TP73: variants seen among roughly 807,000 people sequenced by gnomAD.
TP73 encodes tumor protein p73, also known as p53-like transcription factor.
In TP73, 25 loss-of-function variants were observed where a neutral mutation model predicts 62.5. The ratio of observed to expected loss-of-function variants is 0.40; its 90% confidence interval spans 0.29 to 0.56. The LOEUF is 0.56. Among genes scored for constraint, TP73 ranks in the 20% least tolerant of loss-of-function variants. The pLI is 0.46. For synonymous variants in TP73, 423 were observed against 377.5 expected, an observed-to-expected ratio of 1.12 and a Z score of -1.40; for missense variants, 754 against 913.3, an observed-to-expected ratio of 0.83 and a Z score of 2.25.
intron 1 of TP73, among the ~76,000 whole-genome samples, chr1:3,671,138 C>T (rs12063619): frequency 7.7e-4 from 117 of 152,232 alleles, no homozygotes; most frequent in African/African-American, 2.7e-3. Context: ...AAGCACAGGT[C>T]GGCTGGCACC....
chr1:3,701,958 G>T lies in TP73; in HGVS notation c.187-5591G>T, dbSNP rs1395885085. On this transcript the variant is annotated intron_variant, in intron 3 of 13. Transcript: ENST00000378295. This position sits in a 1 kb window ranked among gnomAD's most constrained non-coding sequence, Gnocchi z 4.7. ...TGCTTGGCCCCCCAGGTCCCTGGGA[G>T]GTCTCTCCTGCCCCTCTCCTGGATG... Among the ~76,000 whole-genome samples, 6 of 152,294 alleles carry T rather than the reference G, an allele frequency of 3.9e-5. No individual in the cohort carries two copies. Among genetic ancestry groups the T allele is most frequent in the African/African-American group, 1.2e-4 (5 of 41,574 alleles).
intron 8 of TP73, 78 bp downstream of exon 8, chr1:3,727,848 G>A (rs919611193): frequency 1.6e-5 from 23 of 1,453,958 alleles, no homozygotes; most frequent in Admixed American, 4.8e-5. Flanking sequence ...GTGAGCCCGC[G>A]TCCCAGGGAC....
intron 3 of TP73, among the ~76,000 whole-genome samples, chr1:3,693,816 GCCC>G (rs1167101008): frequency 9.0e-5 from 9 of 100,538 alleles, no homozygotes; most frequent in Non-Finnish European, 1.2e-4. Context: ...TGCAGCCTCA[GCCC>G]CTCCTCCCGC....
At position 3,701,657 on chromosome 1, in the gene TP73, A is replaced by T. The variant is rs1052354544; in HGVS notation, c.187-5892A>T. Among the ~76,000 whole-genome samples the T allele has an allele frequency of 6.6e-6, 1 of 151,086 alleles. No individual in the cohort carries two copies. Among genetic ancestry groups the T allele is most frequent in the African/African-American group, 2.5e-5 (1 of 40,740 alleles). ...GTAGCTGGGATTACAGGTGCCCACC[A>T]CCACGCCCAGCTAATTTTTTTTTGT... On this transcript the variant is annotated intron_variant, in intron 3 of 13. Coordinates refer to ENST00000378295, the MANE Select transcript of TP73 (RefSeq NM_005427.4). The surrounding 1 kb of genome is among the most constrained non-coding windows in gnomAD (Gnocchi z 4.7).
Position 3,683,170 on chromosome 1 carries a change from C to T in TP73, c.176C>T (p.Thr59Ile). 4 of 1,607,900 alleles carry T rather than the reference C, an allele frequency of 2.5e-6. No individual in the cohort carries two copies. Among genetic ancestry groups the T allele is most frequent in the South Asian group, 1.1e-5 (1 of 90,844 alleles). ...MDVFHLEGMT[T>I]SVMAQFNLLS... ...GTCTTCCACCTGGAGGGCATGACTA[C>T]ATCTGTCATGGTGAGTGGGGGGGCT... Residue 59 changes from threonine (T) to isoleucine (I), a missense_variant, in exon 3 of 14, where the codon ACA becomes ATA. Thr to Ile is a moderately conservative substitution (Grantham distance 89). Around this residue, in one of 3 missense-constraint regions of TP73, gnomAD observed 235 missense variants for 251.4 expected, o/e 0.93. Transcript: ENST00000378295.
intron 10 of TP73, 69 bp downstream of exon 10, chr1:3,729,517 A>G: frequency 1.2e-6 from 2 of 1,605,388 alleles, no homozygotes. Flanking sequence ...GGAGAAGGCC[A>G]GGAGGACCAG....
intron 2 of TP73, 43 bp downstream of exon 2, chr1:3,682,473 G>C (rs1452327680): frequency 7.0e-7 from 1 of 1,431,520 alleles, no homozygotes; most frequent in Non-Finnish European, 9.3e-7. Flanking sequence ...CCCCCTGGGA[G>C]GCACTCTGGG....
At chr1:3,729,701 T>A in intron 10 of TP73, 1 of 799,876 alleles carries the variant, frequency 1.3e-6, no homozygotes, top group Non-Finnish European at 2.1e-6. Context: ...GTCTGCTGAG[T>A]GGAAAGGCCA....
rs1252590305 is a variant in TP73 at position 3,699,399 on chromosome 1, C to A, written c.187-8150C>A. 1.3e-5 allele frequency among the ~76,000 whole-genome samples: 2 copies of A among 152,188 alleles called. No homozygotes were observed. The highest frequency in any genetic ancestry group is 2.9e-5 in the Non-Finnish European group (2 of 68,038). ...ACCACAACAGTCTGGTCTCAATATT[C>A]TCCAGGGAACGAGGACACGGACCTC... On this transcript the variant is annotated intron_variant, in intron 3 of 13. Coordinates refer to ENST00000378295, the MANE Select transcript of TP73 (RefSeq NM_005427.4). The surrounding 1 kb of genome is among the most constrained non-coding windows in gnomAD (Gnocchi z 4.1).
rs1170634885 is a variant in TP73 at position 3,699,965 on chromosome 1, G to A, written c.187-7584G>A. Reference sequence around the variant, plus strand: ...CTCGGGCCCCAGTCTCCTGATCTCCGCCAAGCCCAGGGCCCCAGGAAGCGG... The same window carrying A: ...CTCGGGCCCCAGTCTCCTGATCTCCACCAAGCCCAGGGCCCCAGGAAGCGG... On this transcript the variant is annotated intron_variant, in intron 3 of 13. Coordinates refer to ENST00000378295, the MANE Select transcript of TP73 (RefSeq NM_005427.4). This position sits in a 1 kb window ranked among gnomAD's most constrained non-coding sequence, Gnocchi z 4.1. Among the ~76,000 whole-genome samples, 5 of 152,032 alleles carry A rather than the reference G, an allele frequency of 3.3e-5. No individual in the cohort carries two copies. Among genetic ancestry groups the A allele is most frequent in the South Asian group, 2.1e-4 (1 of 4,828 alleles).
chr1:3,704,571 C>T (rs1004748595), intron 3 of TP73, among the ~76,000 whole-genome samples: 1 of 152,204 alleles, frequency 6.6e-6, no homozygotes, highest in Non-Finnish European at 1.5e-5. Context: ...TGCTCCTGCC[C>T]GTGTGGCCAG....
At chr1:3,664,584 C>T (rs78693817) in intron 1 of TP73, among the ~76,000 whole-genome samples, 159 of 152,358 alleles carry the variant, frequency 1.0e-3, no homozygotes, top group African/African-American at 3.6e-3. Context: ...GAGCCAGACC[C>T]GCAGCTTTCT....
chr1:3,661,378 T>C (rs1323715699), intron 1 of TP73, among the ~76,000 whole-genome samples: 1 of 152,180 alleles, frequency 6.6e-6, no homozygotes, highest in Non-Finnish European at 1.5e-5. Context: ...CAATGAAATA[T>C]TCAAAGAGAA....
At chr1:3,732,609 C>A in intron 13 of TP73, 138 bp from the exon 14 acceptor site, 1 of 754,298 alleles carries the variant, frequency 1.3e-6, no homozygotes. Flanking sequence ...GGGCTCTCCC[C>A]CTCCCCCGTC....
In TP73 at chr1:3,709,721, C is replaced by T. The variant is rs1278221034; in HGVS notation, c.429+1930C>T. On this transcript the variant is annotated intron_variant, in intron 4 of 13. Coordinates refer to ENST00000378295, the MANE Select transcript of TP73 (RefSeq NM_005427.4). The stretch of plus-strand genomic sequence containing the variant: ...TTGTTGCCTAAGTCCACTCTCTCCC[C>T]TCTAAGGACACTGACCTCCTGCCCT... Among the ~76,000 whole-genome samples the T allele has an allele frequency of 3.3e-5, 5 of 152,232 alleles. No individual in the cohort carries two copies. The South Asian group carries it at 1.0e-3, about 31-fold the overall frequency.
rs965919616 is a variant in TP73, at chr1:3,662,787, C to A, written c.-34+10146C>A. ...GGGGGCCTAGAGGGGCCTCTATGGG[C>A]CTTGGAGATGGAATCAGCTCCCCAC... On this transcript the variant is annotated intron_variant, in intron 1 of 13. Coordinates refer to ENST00000378295, the MANE Select transcript of TP73 (RefSeq NM_005427.4). This position sits in a 1 kb window ranked among gnomAD's most constrained non-coding sequence, Gnocchi z 4.4. Among the ~76,000 whole-genome samples, 1 of 152,102 alleles carries A rather than the reference C, an allele frequency of 6.6e-6. No individual in the cohort carries two copies. Among genetic ancestry groups the A allele is most frequent in the African/African-American group, 2.4e-5 (1 of 41,414 alleles).
chr1:3,682,133 A>G (rs1042137740), intron 1 of TP73, among the ~76,000 whole-genome samples, 200 bp from the exon 2 acceptor site: 7 of 152,186 alleles, frequency 4.6e-5, no homozygotes, highest in African/African-American at 1.7e-4. Flanking sequence ...AGAGCTGCCC[A>G]CCTGGCCTTC....
At chr1:3,726,854 G>A (rs1641677197) in intron 6 of TP73, among the ~76,000 whole-genome samples, 1 of 142,090 alleles carries the variant, frequency 7.0e-6, no homozygotes, top group Admixed American at 6.9e-5. Flanking sequence ...GATGGATGGG[G>A]TTGGTGGATG....
Position 3,731,561 on chromosome 1 carries a change from C to T in TP73, c.1578+5C>T, listed in dbSNP as rs200393589. On this transcript the variant is annotated splice_donor_5th_base_variant and intron_variant, in intron 13 of 13. Coordinates refer to ENST00000378295, the MANE Select transcript of TP73 (RefSeq NM_005427.4). Reference sequence around the variant, plus strand: ...CTGCAGAACCTGACCATTGAGGTAACGCCCGGGTGGACCCCGCTCTGCAGA... The same window carrying T: ...CTGCAGAACCTGACCATTGAGGTAATGCCCGGGTGGACCCCGCTCTGCAGA... 62 of 1,613,470 alleles carry T rather than the reference C, an allele frequency of 3.8e-5. 1 individual carries two copies. The South Asian group carries it at 4.6e-4, about 12-fold the overall frequency.
Sources: allele counts gnomAD v4.1 joint callset (sites outside exome capture counted in the v4.1 genomes callset), GRCh38; gene constraint gnomAD v4.1.1; regional missense constraint gnomAD v4.1.1; non-coding constraint Gnocchi (gnomAD v3.1); transcripts MANE v1.5; gene names NCBI Gene and HGNC (gene_info 2026-07-23, HGNC 2026-07-21).